The following MYO3B variants were observed in gnomAD, a reference collection of about 807,000 sequenced individuals.
The protein encoded by MYO3B is myosin-IIIb.
A neutral mutation model predicts 174.6 loss-of-function variants in MYO3B; 156 were observed. The observed-to-expected ratio is 0.89, with a 90% CI of 0.78 to 1.02. MYO3B has a LOEUF of 1.02. Among genes scored for constraint, MYO3B ranks in the 50% least tolerant of loss-of-function variants. The probability of loss-of-function intolerance (pLI) is 0.00; values close to 1 mark genes in which losing one functional copy is unlikely to be tolerated. For missense variants in MYO3B, 1,632 were observed against 1,639.4 expected (o/e 1.00, Z 0.08); for synonymous variants, 563 against 569.1 (o/e 0.99, Z 0.15).
intron 7 of MYO3B, among the ~76,000 whole-genome samples, chr2:170,301,991 G>A (rs1214589806): frequency 1.3e-5 from 2 of 150,102 alleles, no homozygotes; most frequent in Non-Finnish European, 3.0e-5. Context: ...ATTCTAAATA[G>A]GTAGGTGTTT....
At chr2:170,459,223 G>C (rs1190940197) in intron 23 of MYO3B, among the ~76,000 whole-genome samples, 2 of 152,198 alleles carry the variant, frequency 1.3e-5, no homozygotes, top group Admixed American at 1.3e-4. Flanking sequence ...CTGGCAGCCT[G>C]CTTTTATTCC....
chr2:170,457,960 GC>G (rs1336668725), intron 23 of MYO3B, among the ~76,000 whole-genome samples: 7 of 152,122 alleles, frequency 4.6e-5, no homozygotes, highest in African/African-American at 7.2e-5. Flanking sequence ...CACTTCGTTG[GC>G]CAGGCTGGTC....
At chr2:170,360,200 A>T (rs1416863432) in intron 8 of MYO3B, among the ~76,000 whole-genome samples, 1 of 152,184 alleles carries the variant, frequency 6.6e-6, no homozygotes, top group East Asian at 1.9e-4. Context: ...AGGGAGAAGA[A>T]TGCATACAAA....
intron 7 of MYO3B, among the ~76,000 whole-genome samples, chr2:170,314,972 TG>T (rs1181749552): frequency 1.3e-5 from 2 of 152,250 alleles, no homozygotes; most frequent in African/African-American, 4.8e-5. Context: ...CAGTCATTCT[TG>T]GCAGGAGCTC....
At chr2:170,629,322 C>CA (rs1282396358) in intron 32 of MYO3B, among the ~76,000 whole-genome samples, 1 of 152,176 alleles carries the variant, frequency 6.6e-6, no homozygotes, top group Non-Finnish European at 1.5e-5. Context: ...TCACCTGACT[C>CA]ACCCTCTGGT....
chr2:170,426,223 C>T (rs1024429119), intron 22 of MYO3B, among the ~76,000 whole-genome samples: 2 of 151,792 alleles, frequency 1.3e-5, no homozygotes, highest in Non-Finnish European at 2.9e-5. Context: ...CCTGTAATCA[C>T]AGCTACTCAG....
At chr2:170,452,430 G>A (rs892877933) in intron 23 of MYO3B, among the ~76,000 whole-genome samples, 1 of 152,094 alleles carries the variant, frequency 6.6e-6, no homozygotes, top group African/African-American at 2.4e-5. Context: ...AAATAATTCC[G>A]TCAACTGAGA....
At chr2:170,579,924 C>A (rs1693021726) in intron 32 of MYO3B, among the ~76,000 whole-genome samples, 1 of 152,226 alleles carries the variant, frequency 6.6e-6, no homozygotes, top group African/African-American at 2.4e-5. Flanking sequence ...GCTCTGGGAA[C>A]CCTGCCCAGA....
intron 22 of MYO3B, among the ~76,000 whole-genome samples, chr2:170,429,905 T>C (rs2094694942): frequency 1.3e-5 from 2 of 151,950 alleles, no homozygotes; most frequent in Admixed American, 1.3e-4. Context: ...CCTTTCCCCT[T>C]CCCCCCAAGA....
In MYO3B at chr2:170,233,028, T is replaced by G. The variant is rs1361146546; in HGVS notation, c.604-2963T>G. ...ACAACGCTTGAGAAATGTTAGAATA[T>G]CTCCATTTTCACATTTAGATATGTT... On this transcript the variant is annotated intron_variant, in intron 6 of 34. Transcript: ENST00000408978. Among the ~76,000 whole-genome samples the G allele has an allele frequency of 2.0e-5, 3 of 152,232 alleles. 1 individual carries two copies. The highest frequency in any genetic ancestry group is 2.0e-4 in the Admixed American group (3 of 15,286).
At chr2:170,438,578 C>T (rs1559001151) in intron 22 of MYO3B, among the ~76,000 whole-genome samples, 1 of 152,132 alleles carries the variant, frequency 6.6e-6, no homozygotes, top group Non-Finnish European at 1.5e-5. Context: ...TTCTCTACAT[C>T]CTCTTTAGCA....
At chr2:170,240,009 A>G (rs1039200764) in intron 7 of MYO3B, among the ~76,000 whole-genome samples, 1 of 152,008 alleles carries the variant, frequency 6.6e-6, no homozygotes, top group East Asian at 1.9e-4. Flanking sequence ...TATGATTCCA[A>G]TCTCTGGCTT....
intron 7 of MYO3B, among the ~76,000 whole-genome samples, chr2:170,251,013 G>A (rs1347938306): frequency 1.3e-5 from 2 of 151,892 alleles, no homozygotes; most frequent in African/African-American, 2.4e-5. Context: ...ACTTTTTGGG[G>A]TACAAAAACA....
chr2:170,445,331 C>T (rs974645000), intron 23 of MYO3B, among the ~76,000 whole-genome samples: 1 of 150,680 alleles, frequency 6.6e-6, no homozygotes, highest in African/African-American at 2.5e-5. Context: ...ACCACACTTG[C>T]GGGGATACAT....
chr2:170,333,936 G>A (rs1468356403), intron 7 of MYO3B: 1 of 152,190 alleles, frequency 6.6e-6, no homozygotes, highest in Non-Finnish European at 1.5e-5. Context: ...GCTTGAAGAA[G>A]ATGGAAGTTT....
intron 25 of MYO3B, among the ~76,000 whole-genome samples, chr2:170,475,633 T>C (rs932017537): frequency 6.6e-6 from 1 of 152,220 alleles, no homozygotes; most frequent in Non-Finnish European, 1.5e-5. Context: ...GCTTACACTT[T>C]GTGCCTTGCT....
At chr2:170,586,164 G>C (rs544559698) in intron 32 of MYO3B, among the ~76,000 whole-genome samples, 1 of 152,358 alleles carries the variant, frequency 6.6e-6, no homozygotes, top group South Asian at 2.1e-4. Flanking sequence ...CTAGAATGCA[G>C]ATCTTTTTCT....
intron 7 of MYO3B, among the ~76,000 whole-genome samples, chr2:170,264,511 AAGG>A (rs1319251790): frequency 6.6e-6 from 1 of 152,180 alleles, no homozygotes; most frequent in Admixed American, 6.5e-5. Flanking sequence ...CACTTCTTCA[AAGG>A]AGGAGGGACA....
chr2:170,469,014 G>A (rs926126769), intron 25 of MYO3B, among the ~76,000 whole-genome samples: 5 of 152,100 alleles, frequency 3.3e-5, no homozygotes, highest in African/African-American at 1.2e-4. Flanking sequence ...AATTAGCTGG[G>A]TGTGGTGGCT....
Sources: gnomAD v4.1 joint callset for allele counts (sites outside exome capture counted in the v4.1 genomes callset) on GRCh38, gnomAD v4.1.1 for gene constraint, MANE v1.5 for transcripts, NCBI Gene and HGNC (gene_info 2026-07-23, HGNC 2026-07-21) for gene names.